The following SPATS2 variants were observed in gnomAD, a reference collection of about 807,000 sequenced individuals.
SPATS2 encodes the protein spermatogenesis associated serine rich 2.
SPATS2 carries 38 observed loss-of-function variants against 63.7 expected under a neutral mutation model. That is an observed-to-expected ratio of 0.60 (90% CI 0.46 to 0.78). The LOEUF (loss-of-function observed/expected upper bound fraction) is 0.78. Among genes scored for constraint, SPATS2 ranks in the 30% least tolerant of loss-of-function variants. The pLI is 0.00. For synonymous variants in SPATS2, 207 were observed against 232.9 expected, an observed-to-expected ratio of 0.89 and a Z score of 1.01; for missense variants, 588 against 666.2, an observed-to-expected ratio of 0.88 and a Z score of 1.29.
intron 2 of SPATS2, among the ~76,000 whole-genome samples, chr12:49,374,958 CAAAAAAAAAAAAAAA>C (rs10687716): frequency 4.0e-5 from 1 of 24,742 alleles, no homozygotes; most frequent in African/African-American, 1.3e-4. Flanking sequence ...GGATCTGTCT[CAAAAAAAAAAAAAAA>C]AAAAAAAAAA....
At chr12:49,436,611 C>T (rs1945299643) in intron 2 of SPATS2, among the ~76,000 whole-genome samples, 1 of 133,068 alleles carries the variant, frequency 7.5e-6, no homozygotes, top group African/African-American at 2.8e-5. Context: ...CGGGGGCTGA[C>T]CCCCCCACCT....
At chr12:49,384,808 C>CT (rs774135735) in intron 2 of SPATS2, among the ~76,000 whole-genome samples, 16 of 150,578 alleles carry the variant, frequency 1.1e-4, no homozygotes, top group Non-Finnish European at 1.9e-4. Context: ...TGCCAAAAAT[C>CT]TTTCATTTTT....
intron 2 of SPATS2, among the ~76,000 whole-genome samples, chr12:49,374,832 A>G (rs1330914727): frequency 6.6e-6 from 1 of 151,862 alleles, no homozygotes; most frequent in East Asian, 1.9e-4. Flanking sequence ...GTGTTGGTGC[A>G]TGCCTGTAAT....
rs1035566551 is a variant in SPATS2, at chr12:49,367,500, A to T, written c.-394A>T. 3 of 397,102 alleles carry T rather than the reference A, an allele frequency of 7.6e-6. No homozygotes were observed. The highest frequency in any genetic ancestry group is 4.2e-5 in the African/African-American group (2 of 48,034). The allele number at this position is 397,102 out of a possible 1,614,324, so 24.6% of individuals were successfully genotyped here. On this transcript the variant is annotated 5_prime_UTR_variant, in exon 1 of 14. Coordinates refer to ENST00000552918, the MANE Select transcript of SPATS2 (RefSeq NM_023071.4). ...GTGGCTCTAGAAGGGGAGGTGGAGG[A>T]TCTCCTTTCCTCTTCTCAGACCCGG...
chr12:49,435,252 G>A (rs71539083), intron 2 of SPATS2, among the ~76,000 whole-genome samples: 1 of 151,472 alleles, frequency 6.6e-6, no homozygotes, highest in East Asian at 1.9e-4. Flanking sequence ...GGATGGTCTC[G>A]ATCTCCTGAC....
At chr12:49,462,915 G>C (rs571331076) in intron 3 of SPATS2, 2 of 156,508 alleles carry the variant, frequency 1.3e-5, no homozygotes, top group African/African-American at 4.8e-5. Context: ...TTAGGAAAAG[G>C]CAACAAACAG....
intron 12 of SPATS2, among the ~76,000 whole-genome samples, chr12:49,524,454 T>G (rs1309384070): frequency 2.0e-5 from 3 of 152,326 alleles, no homozygotes; most frequent in Admixed American, 2.0e-4. Flanking sequence ...TGATTTTAAC[T>G]GTTCTCTTGT....
intron 6 of SPATS2, 42 bp downstream of exon 6, chr12:49,490,773 A>C: frequency 3.2e-6 from 5 of 1,574,486 alleles, no homozygotes; most frequent in Non-Finnish European, 4.3e-6. Flanking sequence ...TGTGTATATT[A>C]TTTTTAAAAA....
intron 2 of SPATS2, among the ~76,000 whole-genome samples, chr12:49,440,989 C>G (rs1222036911): frequency 4.6e-5 from 7 of 152,186 alleles, no homozygotes; most frequent in African/African-American, 1.4e-4. Flanking sequence ...TGCCAGGTTT[C>G]TCCACTTAAA....
At chr12:49,515,431 G>A (rs1012113551) in intron 10 of SPATS2, among the ~76,000 whole-genome samples, 5 of 152,202 alleles carry the variant, frequency 3.3e-5, no homozygotes, top group Admixed American at 1.3e-4. Flanking sequence ...GGGCTAGGTC[G>A]AGATCATGAC....
At chr12:49,500,333 T>C in intron 9 of SPATS2, 128 bp downstream of exon 9, 1 of 1,093,914 alleles carries the variant, frequency 9.1e-7, no homozygotes, top group East Asian at 2.6e-5. Context: ...ATAAATCCTA[T>C]GGTATATTTA....
At chr12:49,391,077 C>CA (rs11390302) in intron 2 of SPATS2, among the ~76,000 whole-genome samples, 44,737 of 151,522 alleles carry the variant, frequency 0.3, 8,925 homozygotes, top group African/African-American at 0.57. Flanking sequence ...ATTAAAATTT[C>CA]AAAAAAAAAT....
intron 3 of SPATS2, among the ~76,000 whole-genome samples, chr12:49,464,368 C>T (rs754471254): frequency 1.8e-4 from 27 of 151,148 alleles, no homozygotes; most frequent in Non-Finnish European, 3.4e-4. Context: ...GCCTGTAATC[C>T]CAGCACTTTG....
intron 2 of SPATS2, among the ~76,000 whole-genome samples, chr12:49,408,317 A>G (rs1183085501): frequency 1.3e-5 from 2 of 151,346 alleles, no homozygotes; most frequent in South Asian, 2.1e-4. Context: ...CAATGGCACA[A>G]TCTCGGCTCA....
chr12:49,501,609 T>C (rs1946568568), intron 9 of SPATS2, among the ~76,000 whole-genome samples: 1 of 152,128 alleles, frequency 6.6e-6, no homozygotes, highest in South Asian at 2.1e-4. Context: ...CGGATATTTG[T>C]TTTTTTGTTT....
At chr12:49,437,193 G>C (rs1293006725) in intron 2 of SPATS2, among the ~76,000 whole-genome samples, 1 of 150,654 alleles carries the variant, frequency 6.6e-6, no homozygotes, top group Non-Finnish European at 1.5e-5. Flanking sequence ...CTTCTCAGAC[G>C]GGGCGGCCGG....
intron 2 of SPATS2, among the ~76,000 whole-genome samples, chr12:49,427,412 A>G (rs1343173593): frequency 6.6e-6 from 1 of 152,202 alleles, no homozygotes; most frequent in Non-Finnish European, 1.5e-5. Context: ...TAGTGAATAC[A>G]TCACAGTTTA....
intron 2 of SPATS2, among the ~76,000 whole-genome samples, chr12:49,381,153 A>G (rs1219570022): frequency 2.6e-5 from 4 of 152,122 alleles, no homozygotes; most frequent in African/African-American, 7.2e-5. Flanking sequence ...AGTGATGTTG[A>G]ACATCTTTTC....
At chr12:49,387,290 G>T (rs1944333601) in intron 2 of SPATS2, among the ~76,000 whole-genome samples, 1 of 151,176 alleles carries the variant, frequency 6.6e-6, no homozygotes, top group Admixed American at 6.6e-5. Flanking sequence ...TGGAGAGGTG[G>T]ATGACACATG....
Sources: gnomAD v4.1 joint callset for allele counts (sites outside exome capture counted in the v4.1 genomes callset) on GRCh38, gnomAD v4.1.1 for gene constraint, MANE v1.5 for transcripts, NCBI Gene and HGNC (gene_info 2026-07-23, HGNC 2026-07-21) for gene names.